SMARCC1: variants seen among roughly 807,000 people sequenced by gnomAD.
SMARCC1 encodes SWI/SNF complex subunit SMARCC1.
Under a neutral mutation model 147.4 loss-of-function variants are expected in SMARCC1, and 43 were observed. The observed-to-expected ratio is 0.29, with a 90% CI of 0.23 to 0.38. The LOEUF is 0.38. SMARCC1 is among the 10% of genes least tolerant of loss of function. The pLI, the probability that SMARCC1 is intolerant of heterozygous loss-of-function variation, is 1.00. For missense variants in SMARCC1, 1,119 were observed against 1,381.1 expected (o/e 0.81, Z 3.01); for synonymous variants, 495 against 484.4 (o/e 1.02, Z -0.29).
Position 47,755,914 on chromosome 3 carries a change from C to T in SMARCC1, c.316-9921G>A, listed in dbSNP as rs369087447. Among the ~76,000 whole-genome samples, 18 of 143,568 alleles carry T rather than the reference C, an allele frequency of 1.3e-4. No individual in the cohort carries two copies. The East Asian group carries it at 2.2e-3, about 18-fold the overall frequency. 94.2% of individuals were successfully genotyped at this position (143,568 alleles called of 152,430 possible). Reference sequence around the variant, plus strand: ...CTGAGGCAAGGGAATCGCTTGAATCCGGGAGGCGGAGGTTACGGTGAGCTG... The same window carrying T: ...CTGAGGCAAGGGAATCGCTTGAATCTGGGAGGCGGAGGTTACGGTGAGCTG... On this transcript the variant is annotated intron_variant, in intron 2 of 27. Coordinates refer to ENST00000254480, the MANE Select transcript of SMARCC1 (RefSeq NM_003074.4).
rs1230314750 is a variant in SMARCC1, at chr3:47,701,318, T to C, written c.1125A>G (p.Thr375=). Residue 375 remains threonine, a synonymous_variant, in exon 11 of 28, where the codon ACA becomes ACG. Transcript: ENST00000254480. ...EDLTKDMEDP[T]PVPNIEEVVL... ...CTACTTCTTCTATATTGGGTACAGG[T>C]GTTGGGTCTTCCATATCCTTGGTTA... is the stretch of plus-strand genomic sequence containing the variant. The C allele has an allele frequency of 1.2e-6, 2 of 1,613,066 alleles. No individual in the cohort carries two copies. The highest frequency in any genetic ancestry group is 2.2e-5 in the South Asian group (2 of 91,054).
rs2032067342 is a variant in SMARCC1, at chr3:47,586,089, A to G, written c.*2120T>C. Reference sequence around the variant, plus strand: ...GTGGCTGAATTACAGGAATAAAACCAGATCAAAGACATGAAAAGAAAAAGC... The same window carrying G: ...GTGGCTGAATTACAGGAATAAAACCGGATCAAAGACATGAAAAGAAAAAGC... On this transcript the variant is annotated 3_prime_UTR_variant, in exon 28 of 28. Transcript: ENST00000254480. The G allele has an allele frequency of 6.6e-6, 1 of 152,612 alleles. No individual in the cohort carries two copies. 9.5% of individuals were successfully genotyped at this position (152,612 alleles called of 1,614,324 possible). A position where few individuals can be genotyped will look rare whatever the true frequency, so the allele number is the denominator to read the frequency against.
In SMARCC1 at chr3:47,706,402, T is replaced by C. The variant is rs2106793272; in HGVS notation, c.1040+7A>G. 6.4e-7 allele frequency: 1 copy of C among 1,557,334 alleles called. No homozygotes were observed. Among genetic ancestry groups the C allele is most frequent in the South Asian group, 1.2e-5 (1 of 81,288 alleles). On this transcript the variant is annotated splice_region_variant and intron_variant, in intron 10 of 27. Coordinates refer to ENST00000254480, the MANE Select transcript of SMARCC1 (RefSeq NM_003074.4). ...TAATGCCCTTTGAATCATGTAATAGTTCTTACCCTTTCTTCCCACTCTTCT... is the reference window on the plus strand; with the variant it reads ...TAATGCCCTTTGAATCATGTAATAGCTCTTACCCTTTCTTCCCACTCTTCT...
chr3:47,665,108 C>T (rs1204000400), intron 19 of SMARCC1, among the ~76,000 whole-genome samples: 1 of 152,118 alleles, frequency 6.6e-6, no homozygotes, highest in African/African-American at 2.4e-5. Context: ...GCTGAGATTA[C>T]AGGTGTGAAA....
chr3:47,613,728 G>A (rs374571922), intron 25 of SMARCC1, among the ~76,000 whole-genome samples: 2 of 151,982 alleles, frequency 1.3e-5, no homozygotes, highest in Non-Finnish European at 2.9e-5. Context: ...AGGCTCCAGC[G>A]AACCCAGTTT....
intron 26 of SMARCC1, chr3:47,604,589 G>T (rs936650207): frequency 3.6e-5 from 10 of 276,580 alleles, no homozygotes; most frequent in Admixed American, 3.4e-4. Flanking sequence ...GCCCTGGTTT[G>T]AAAGTCCTTT....
intron 2 of SMARCC1, among the ~76,000 whole-genome samples, chr3:47,759,012 T>A (rs1376286261): frequency 9.4e-5 from 9 of 95,702 alleles, no homozygotes; most frequent in East Asian, 7.9e-4. Context: ...AGCGAAACTC[T>A]GACCCAAAAA....
At chr3:47,737,468 A>C (rs1386990533) in intron 4 of SMARCC1, among the ~76,000 whole-genome samples, 1 of 152,208 alleles carries the variant, frequency 6.6e-6, no homozygotes, top group African/African-American at 2.4e-5. Context: ...TTAATGAAGA[A>C]AATTACCATA....
At chr3:47,672,929 C>T (rs751873105) in intron 18 of SMARCC1, among the ~76,000 whole-genome samples, 4 of 152,100 alleles carry the variant, frequency 2.6e-5, no homozygotes, top group Non-Finnish European at 4.4e-5. Flanking sequence ...CAGGCAGCCG[C>T]CACCATGTCT....
At chr3:47,633,258 A>G (rs1429912028) in intron 24 of SMARCC1, among the ~76,000 whole-genome samples, 2 of 152,214 alleles carry the variant, frequency 1.3e-5, no homozygotes, top group East Asian at 1.9e-4. Context: ...GAGACAGGCA[A>G]AAGATTAAGG....
intron 2 of SMARCC1, among the ~76,000 whole-genome samples, chr3:47,759,929 C>T (rs1259541220): frequency 2.6e-5 from 4 of 151,030 alleles, no homozygotes; most frequent in African/African-American, 4.9e-5. Flanking sequence ...AAAAGCGAGA[C>T]TCCATCTCCA....
At chr3:47,718,411 G>A (rs1036295360) in intron 7 of SMARCC1, among the ~76,000 whole-genome samples, 3 of 152,250 alleles carry the variant, frequency 2.0e-5, no homozygotes, top group South Asian at 2.1e-4. Context: ...TCCAGCCTGG[G>A]AGAAAGAGTA....
At chr3:47,747,934 G>T (rs1413334905) in intron 2 of SMARCC1, among the ~76,000 whole-genome samples, 1 of 151,724 alleles carries the variant, frequency 6.6e-6, no homozygotes, top group African/African-American at 2.4e-5. Context: ...AAAGCGGGTG[G>T]ATCATGTGAG....
chr3:47,708,083 CTTTTTTTTTTTTTTTTTTTTTTT>C (rs915291740), intron 9 of SMARCC1, among the ~76,000 whole-genome samples: 1 of 64,270 alleles, frequency 1.6e-5, no homozygotes, highest in East Asian at 5.4e-4. Context: ...AATTTTTTTT[CTTTTTTTTTTTTTTTTTTTTTTT>C]TTTTTTTTTT....
chr3:47,781,459 G>A (rs2035047167), intron 1 of SMARCC1, 144 bp downstream of exon 1: 1 of 461,270 alleles, frequency 2.2e-6, no homozygotes, highest in Non-Finnish European at 3.4e-6. Flanking sequence ...AGAGCGGGCG[G>A]CGGGGGCGTG....
intron 18 of SMARCC1, among the ~76,000 whole-genome samples, chr3:47,673,508 G>C (rs1425547498): frequency 6.6e-6 from 1 of 151,072 alleles, no homozygotes; most frequent in Non-Finnish European, 1.5e-5. Context: ...AGTCAACATG[G>C]AGAAACCCTG....
At chr3:47,733,826 G>C (rs1354387815) in intron 5 of SMARCC1, among the ~76,000 whole-genome samples, 2 of 143,992 alleles carry the variant, frequency 1.4e-5, no homozygotes, top group Admixed American at 1.5e-4. Flanking sequence ...ATCACGCCAT[G>C]GCACTCCAGC....
In SMARCC1 at chr3:47,686,168, T is replaced by A; in HGVS notation, c.1266A>T (p.Glu422Asp). Residue 422 changes from glutamate (E) to aspartate (D), a missense_variant and splice_region_variant, in exon 14 of 28, where the codon GAA (glutamate) becomes GAT (aspartate). Physicochemically the swap from Glu to Asp is conservative, Grantham distance 45 (BLOSUM62 2). Transcript: ENST00000254480. ...DEETVTAGGKEDEDPAKGDQS... is the reference protein window; with the variant it reads ...DEETVTAGGKDDEDPAKGDQS... The stretch of plus-strand genomic sequence containing the variant: ...GATCACCTTTGGCAGGATCTTCATC[T>A]TCCTATAGAAAAGAAGACAAAGTTC... 1 of 1,611,430 alleles carries A rather than the reference T, an allele frequency of 6.2e-7. No homozygotes were observed. The highest frequency in any genetic ancestry group is 8.5e-7 in the Non-Finnish European group (1 of 1,178,248).
intron 11 of SMARCC1, among the ~76,000 whole-genome samples, chr3:47,694,075 C>G (rs571013074): frequency 1.1e-4 from 16 of 152,280 alleles, no homozygotes; most frequent in Non-Finnish European, 2.4e-4. Context: ...GACCTTCTTT[C>G]CATGTAAGAA....
Sources: gnomAD v4.1 joint callset for allele counts (sites outside exome capture counted in the v4.1 genomes callset) on GRCh38, gnomAD v4.1.1 for gene constraint, MANE v1.5 for transcripts, NCBI Gene and HGNC (gene_info 2026-07-23, HGNC 2026-07-21) for gene names.